Variants in GRIA2 observed in about 807,000 individuals in gnomAD.
GRIA2 encodes the protein glutamate receptor 2.
Under a neutral mutation model 97.3 loss-of-function variants are expected in GRIA2, and 14 were observed. The observed-to-expected ratio is 0.14, with a 90% confidence interval of 0.10 to 0.23. The LOEUF is 0.23. Among genes scored for constraint, GRIA2 ranks in the 10% least tolerant of loss-of-function variants. The pLI is 1.00. For synonymous variants in GRIA2, 412 were observed against 387.8 expected, an observed-to-expected ratio of 1.06 and a Z score of -0.73; for missense variants, 558 against 1,069.8, an observed-to-expected ratio of 0.52 and a Z score of 6.67.
upstream of GRIA2, chr4:157,220,420 C>G (rs1729430750): frequency 6.6e-6 from 1 of 152,132 alleles, no homozygotes; most frequent in African/African-American, 2.4e-5. Context: ...GGCCGAGGCG[C>G]GCGGTGGGCG....
At chr4:157,343,886 G>T (rs1196341810) in intron 12 of GRIA2, among the ~76,000 whole-genome samples, 1 of 151,976 alleles carries the variant, frequency 6.6e-6, no homozygotes, top group Non-Finnish European at 1.5e-5. Flanking sequence ...GTAATTTTGA[G>T]CAATTTTTCT....
chr4:157,334,510 A>G (rs1178165593), intron 9 of GRIA2: 1 of 160,720 alleles, frequency 6.2e-6, no homozygotes, highest in African/African-American at 2.4e-5. Context: ...TCTTTATTCT[A>G]TCTAATGAAA....
intron 3 of GRIA2, among the ~76,000 whole-genome samples, chr4:157,309,349 GTTTT>G (rs747461041): frequency 7.7e-6 from 1 of 130,698 alleles, no homozygotes. Flanking sequence ...AAATTTCTTG[GTTTT>G]TTTTTTTTTT....
intron 2 of GRIA2, among the ~76,000 whole-genome samples, chr4:157,230,436 G>T (rs956972828): frequency 1.3e-5 from 2 of 152,096 alleles, no homozygotes; most frequent in African/African-American, 4.8e-5. Flanking sequence ...AACTCTAAGA[G>T]GCAGCATAAC....
intron 2 of GRIA2, 70 bp downstream of exon 2, chr4:157,221,877 C>G: frequency 4.2e-6 from 6 of 1,416,402 alleles, no homozygotes; most frequent in Non-Finnish European, 6.0e-6. Flanking sequence ...TGTGTGTGTG[C>G]GTTTCTGGGG....
chr4:157,238,279 C>T (rs907689767), intron 2 of GRIA2, among the ~76,000 whole-genome samples: 1 of 152,018 alleles, frequency 6.6e-6, no homozygotes, highest in African/African-American at 2.4e-5. Context: ...TTTGGCCAAC[C>T]GTCAGGGAAA....
rs35080512 is a variant in GRIA2, at chr4:157,322,242, AGTGTGTGTGTGTGTGT to A, written c.882+668_882+683del. Among the ~76,000 whole-genome samples, 1,006 of 137,248 alleles carry A rather than the reference AGTGTGTGTGTGTGTGT, an allele frequency of 7.3e-3. 11 individuals carry two copies. Among genetic ancestry groups the A allele is most frequent in the Non-Finnish European group, 7.4e-3 (463 of 62,192 alleles). 90.0% of individuals were successfully genotyped at this position (137,248 alleles called of 152,430 possible). ...GAGAGAGTGAGAAAGAGAGAGAGAG[AGTGTGTGTGTGTGTGT>A]GTGTGTGTGTGTGTGTGTGTGTGTA... On this transcript the variant is annotated intron_variant, in intron 6 of 15. Transcript: ENST00000264426.
intron 2 of GRIA2, among the ~76,000 whole-genome samples, chr4:157,296,932 A>G (rs1457963204): frequency 2.6e-5 from 4 of 152,178 alleles, no homozygotes; most frequent in Admixed American, 6.5e-5. Flanking sequence ...TAATACACAG[A>G]AAGGCAGATT....
At chr4:157,339,296 A>G (rs1735444343) in intron 11 of GRIA2, among the ~76,000 whole-genome samples, 1 of 152,018 alleles carries the variant, frequency 6.6e-6, no homozygotes, top group Admixed American at 6.6e-5. Flanking sequence ...GAGCATATGC[A>G]CATTTCTTTA....
rs532261800 is a variant in GRIA2, at chr4:157,359,852, A to G, written c.2044-44A>G. 74 of 1,561,298 alleles carry G rather than the reference A, an allele frequency of 4.7e-5. 1 individual carries two copies. In the South Asian group the frequency reaches 7.3e-4, roughly 15 times the overall value. On this transcript the variant is annotated intron_variant, in intron 12 of 15. Transcript: ENST00000264426. The stretch of plus-strand genomic sequence containing the variant: ...TTTTGTGTTTTGTGAGTAATTTTTT[A>G]GGGCCATCTCTTAATGCTATCTGGC...
At chr4:157,264,336 C>T (rs529782865) in intron 2 of GRIA2, among the ~76,000 whole-genome samples, 1 of 152,064 alleles carries the variant, frequency 6.6e-6, no homozygotes, top group Non-Finnish European at 1.5e-5. Context: ...CATTTCCTTG[C>T]CTTGTCCAAC....
Position 157,250,439 on chromosome 4 carries a change from G to A in GRIA2, c.229+28632G>A, listed in dbSNP as rs753619207. On this transcript the variant is annotated intron_variant, in intron 2 of 15. Coordinates refer to ENST00000264426, the MANE Select transcript of GRIA2 (RefSeq NM_001083619.3). ...TAAACATGGAGCAGGGTCAATTTTC[G>A]CAATTGAAGAAAAGAAGTTATAATA... Among the ~76,000 whole-genome samples, 11 of 152,008 alleles carry A rather than the reference G, an allele frequency of 7.2e-5. No individual in the cohort carries two copies. In the South Asian group the frequency reaches 1.0e-3, roughly 14 times the overall value.
chr4:157,349,068 T>C (rs1735888243), intron 12 of GRIA2, among the ~76,000 whole-genome samples: 1 of 152,228 alleles, frequency 6.6e-6, no homozygotes, highest in African/African-American at 2.4e-5. Flanking sequence ...TGACTATTGA[T>C]GGAACAACTT....
intron 11 of GRIA2, among the ~76,000 whole-genome samples, chr4:157,340,255 A>G (rs574879973): frequency 2.6e-4 from 40 of 152,076 alleles, no homozygotes; most frequent in African/African-American, 9.1e-4. Context: ...TAGCAAGTCT[A>G]ATTGTTAGAC....
chr4:157,360,346 T>A (rs1192635219), intron 13 of GRIA2, among the ~76,000 whole-genome samples: 4 of 152,180 alleles, frequency 2.6e-5, no homozygotes, highest in African/African-American at 4.8e-5. Context: ...TTGTTTGGTT[T>A]GCTTTGTTTT....
At chr4:157,316,495 T>C (rs1371450247) in intron 4 of GRIA2, among the ~76,000 whole-genome samples, 1 of 152,058 alleles carries the variant, frequency 6.6e-6, no homozygotes, top group Non-Finnish European at 1.5e-5. Context: ...GTCAGGGTAG[T>C]TTTCTCCCAG....
In GRIA2 at chr4:157,220,740, G is replaced by A. The variant is rs1729451819; in HGVS notation, c.-303G>A. ...CGCGAGAGAGGGTGAGTGTGTGTGA[G>A]TGCATGGGAGGGTGCTGAATATTCC... On this transcript the variant is annotated 5_prime_UTR_variant, in exon 1 of 16. The change creates a new upstream start codon in the 5' untranslated region. Transcript: ENST00000264426. 6.5e-6 allele frequency: 3 copies of A among 460,148 alleles called. No individual in the cohort carries two copies. Among genetic ancestry groups the A allele is most frequent in the South Asian group, 2.4e-5 (1 of 42,334 alleles). 28.5% of individuals were successfully genotyped at this position (460,148 alleles called of 1,614,324 possible).
intron 6 of GRIA2, among the ~76,000 whole-genome samples, chr4:157,323,266 T>C (rs1287312146): frequency 4.2e-5 from 5 of 118,920 alleles, no homozygotes; most frequent in Non-Finnish European, 6.4e-5. Context: ...ACCCGGGAGG[T>C]AGAGCTTGCA....
intron 2 of GRIA2, among the ~76,000 whole-genome samples, chr4:157,250,767 C>A (rs1405354149): frequency 6.6e-6 from 1 of 152,080 alleles, no homozygotes; most frequent in African/African-American, 2.4e-5. Context: ...TAATAAAAAT[C>A]TTTCTCCACA....
Sources: gnomAD v4.1 joint callset for allele counts (sites outside exome capture counted in the v4.1 genomes callset) on GRCh38, gnomAD v4.1.1 for gene constraint, MANE v1.5 for transcripts, NCBI Gene and HGNC (gene_info 2026-07-23, HGNC 2026-07-21) for gene names.